TESMIN: variants seen among roughly 807,000 people sequenced by gnomAD.
The protein encoded by TESMIN is testis expressed metallothionein like protein.
A neutral mutation model predicts 47.4 loss-of-function variants in TESMIN; 34 were observed. The observed-to-expected ratio is 0.72, with a 90% CI of 0.55 to 0.96. The LOEUF (loss-of-function observed/expected upper bound fraction) is 0.96. Among genes scored for constraint, TESMIN ranks in the 40% least tolerant of loss-of-function variants. The probability of loss-of-function intolerance (pLI) is 0.00; values close to 1 mark genes in which losing one functional copy is unlikely to be tolerated. For synonymous variants in TESMIN, 278 were observed against 258.9 expected (o/e 1.07, Z -0.71); for missense variants, 610 against 637.2 (o/e 0.96, Z 0.46).
chr11:68,732,230 C>G (rs942625345), intron 6 of TESMIN, among the ~76,000 whole-genome samples: 1 of 152,204 alleles, frequency 6.6e-6, no homozygotes, highest in Admixed American at 6.5e-5. Context: ...CAATGCTGAC[C>G]GAGTGCCCTC....
Position 68,750,243 on chromosome 11 carries a change from G to T in TESMIN, c.418C>A (p.Leu140Met). The change falls in exon 2 of 10, where the codon CTG becomes ATG. Residue 140 changes from leucine (L) to methionine (M), a missense_variant. Leu to Met is a conservative substitution (Grantham distance 15). Transcript: ENST00000255087. Reference sequence around the variant, plus strand: ...GCTCCTTCCAGGACCCAGGCGCCCAGGGGCAACACCGCCGGGCTGCGGTGC... The same window carrying T: ...GCTCCTTCCAGGACCCAGGCGCCCATGGGCAACACCGCCGGGCTGCGGTGC... ...PAHRSPAVLP[L>M]GAWVLEGASH... is the part of the protein sequence containing the mutation. 1 of 1,534,506 alleles carries T rather than the reference G, an allele frequency of 6.5e-7. No homozygotes were observed.
intron 6 of TESMIN, chr11:68,737,749 T>C (rs1254732450): frequency 3.0e-5 from 26 of 875,932 alleles, no homozygotes; most frequent in Non-Finnish European, 3.6e-5. Context: ...CAGTCTCTAC[T>C]AAAAAATACA....
intron 6 of TESMIN, among the ~76,000 whole-genome samples, chr11:68,733,271 A>G (rs1390031556): frequency 6.6e-6 from 1 of 152,248 alleles, no homozygotes; most frequent in Non-Finnish European, 1.5e-5. Context: ...TCAATGTAGA[A>G]TAAACCAATT....
At chr11:68,734,122 A>G (rs1349765533) in intron 6 of TESMIN, among the ~76,000 whole-genome samples, 1 of 152,248 alleles carries the variant, frequency 6.6e-6, no homozygotes, top group African/African-American at 2.4e-5. Context: ...AGCGTCGTTC[A>G]TCTTCAGATA....
intron 5 of TESMIN, among the ~76,000 whole-genome samples, chr11:68,741,883 C>T (rs1013323793): frequency 2.0e-5 from 3 of 152,104 alleles, no homozygotes; most frequent in Admixed American, 6.5e-5. Context: ...TACCAAAACT[C>T]GGGAAAAAGA....
In TESMIN at chr11:68,708,362, G is replaced by A. The variant is rs932073527; in HGVS notation, c.1473C>T (p.Cys491=). The change falls in exon 10 of 10, where the codon TGC becomes TGT. Residue 491 remains cysteine, a synonymous_variant. Coordinates refer to ENST00000255087, the MANE Select transcript of TESMIN (RefSeq NM_004923.3). ...EQMILEEFGR[C]LSQILHTEFK... Reference sequence around the variant, plus strand: ...ACTCAGTGTGGAGAATCTGTGATAAGCACCTTCCAAATTCCTCCAGGATCA... The same window carrying A: ...ACTCAGTGTGGAGAATCTGTGATAAACACCTTCCAAATTCCTCCAGGATCA... 1.2e-6 allele frequency: 2 copies of A among 1,613,730 alleles called. No individual in the cohort carries two copies. The highest frequency in any genetic ancestry group is 2.7e-5 in the African/African-American group (2 of 74,914).
At chr11:68,716,314 C>A (rs1946139099) in intron 6 of TESMIN, among the ~76,000 whole-genome samples, 1 of 152,230 alleles carries the variant, frequency 6.6e-6, no homozygotes, top group African/African-American at 2.4e-5. Context: ...GAGCTGTCCC[C>A]ATCAACTTCC....
At chr11:68,742,240 T>C (rs1946465854) in intron 5 of TESMIN, 78 bp downstream of exon 5, 2 of 854,198 alleles carry the variant, frequency 2.3e-6, no homozygotes, top group East Asian at 5.3e-5. Flanking sequence ...ATTTCCTGAG[T>C]AATTCCAACC....
chr11:68,717,689 T>C (rs1206633422), intron 6 of TESMIN, among the ~76,000 whole-genome samples: 1 of 151,996 alleles, frequency 6.6e-6, no homozygotes, highest in Non-Finnish European at 1.5e-5. Context: ...CAGCACCAGG[T>C]TCCTCCAAGG....
Position 68,708,191 on chromosome 11 carries a change from G to T in TESMIN, c.*117C>A. On this transcript the variant is annotated 3_prime_UTR_variant, in exon 10 of 10. Coordinates refer to ENST00000255087, the MANE Select transcript of TESMIN (RefSeq NM_004923.3). ...CTCTGAGTAAACTCCCTGGGCCCAG[G>T]GATGCAGGGGAGCCTGGTTGTTGCT... is the stretch of plus-strand genomic sequence containing the variant. The T allele has an allele frequency of 9.8e-7, 1 of 1,016,274 alleles. No homozygotes were observed. Among genetic ancestry groups the T allele is most frequent in the Non-Finnish European group, 1.4e-6 (1 of 690,660 alleles). The allele number at this position is 1,016,274 out of a possible 1,614,324, so 63.0% of individuals were successfully genotyped here.
intron 6 of TESMIN, among the ~76,000 whole-genome samples, chr11:68,720,907 A>T (rs1003953619): frequency 2.6e-5 from 4 of 152,262 alleles, no homozygotes; most frequent in Non-Finnish European, 5.9e-5. Context: ...TGATGAATAT[A>T]TTTCAGACTT....
chr11:68,745,765 T>A (rs932483108), intron 3 of TESMIN, among the ~76,000 whole-genome samples: 3 of 152,214 alleles, frequency 2.0e-5, no homozygotes, highest in Non-Finnish European at 4.4e-5. Context: ...CAGACCCCCC[T>A]TGGATACTGA....
chr11:68,736,939 A>G (rs1229450908), intron 6 of TESMIN: 8 of 985,374 alleles, frequency 8.1e-6, no homozygotes, highest in Non-Finnish European at 9.6e-6. Flanking sequence ...TGCAACACAT[A>G]GAAGCCTCAG....
intron 3 of TESMIN, among the ~76,000 whole-genome samples, chr11:68,745,529 A>G (rs1243482807): frequency 6.6e-6 from 1 of 152,216 alleles, no homozygotes; most frequent in Non-Finnish European, 1.5e-5. Flanking sequence ...CCCAGTGGGC[A>G]CTGAGGCCCT....
intron 4 of TESMIN, among the ~76,000 whole-genome samples, chr11:68,742,642 T>C (rs1946470425): frequency 6.6e-6 from 1 of 152,158 alleles, no homozygotes; most frequent in African/African-American, 2.4e-5. Flanking sequence ...CCAGGGTTGC[T>C]CTACTAGGCT....
intron 4 of TESMIN, among the ~76,000 whole-genome samples, chr11:68,743,636 C>G (rs1946485622): frequency 6.6e-6 from 1 of 152,086 alleles, no homozygotes; most frequent in Admixed American, 6.5e-5. Flanking sequence ...GACTAAACTA[C>G]TTAGTACTGG....
At chr11:68,738,679 T>A in intron 6 of TESMIN, 21 bp downstream of exon 6, 1 of 1,613,288 alleles carries the variant, frequency 6.2e-7, no homozygotes, top group Non-Finnish European at 8.5e-7. Flanking sequence ...AGAGTGACAA[T>A]GTATTGCTTC....
chr11:68,728,088 C>T (rs1946285775), intron 6 of TESMIN, among the ~76,000 whole-genome samples: 1 of 152,226 alleles, frequency 6.6e-6, no homozygotes, highest in African/African-American at 2.4e-5. Context: ...CAGTTAACAA[C>T]TCTACAATGG....
rs572715280 is a variant in TESMIN, at chr11:68,737,359, G to A, written c.917+1341C>T. 1,470 of 985,526 alleles carry A rather than the reference G, an allele frequency of 1.5e-3. 2 individuals are homozygous for A. Among genetic ancestry groups the A allele is most frequent in the Middle Eastern group, 4.2e-3 (8 of 1,916 alleles). The allele number at this position is 985,526 out of a possible 1,614,324, so 61.0% of individuals were successfully genotyped here. A position where few individuals can be genotyped will look rare whatever the true frequency, so the allele number is the denominator to read the frequency against. On this transcript the variant is annotated intron_variant, in intron 6 of 9. Transcript: ENST00000255087. ...GAGCCACTGCAGAAACTGAAGCAGC[G>A]GTGCCCAGGAGCAACCAACGCCCTT...
Sources: gnomAD v4.1 joint callset for allele counts (sites outside exome capture counted in the v4.1 genomes callset) on GRCh38, gnomAD v4.1.1 for gene constraint, MANE v1.5 for transcripts, NCBI Gene and HGNC (gene_info 2026-07-23, HGNC 2026-07-21) for gene names.